NRXN3: variants seen among roughly 807,000 people sequenced by gnomAD.
NRXN3 encodes neurexin 3.
NRXN3 carries 32 observed loss-of-function variants against 137.6 expected under a neutral mutation model. That is an observed-to-expected ratio of 0.23 (90% CI 0.18 to 0.31). The LOEUF is 0.31. NRXN3 is among the 10% of genes least tolerant of loss of function. The pLI is 1.00. For synonymous variants in NRXN3, 798 were observed against 784.5 expected, an observed-to-expected ratio of 1.02 and a Z score of -0.29; for missense variants, 1,574 against 2,062.5, an observed-to-expected ratio of 0.76 and a Z score of 4.59.
intron 15 of NRXN3, among the ~76,000 whole-genome samples, chr14:79,126,353 T>G (rs1596250474): frequency 8.9e-6 from 1 of 112,080 alleles, no homozygotes; most frequent in Non-Finnish European, 1.7e-5. Context: ...GTCCCCAGAG[T>G]GTGATGTTCC....
rs534846940 is a variant in NRXN3, at chr14:78,207,385, A to C, written c.-703-35006A>C. 9.2e-4 allele frequency among the ~76,000 whole-genome samples: 140 copies of C among 152,196 alleles called. 1 individual carries two copies. Among genetic ancestry groups the C allele is most frequent in the Middle Eastern group, 3.4e-3 (1 of 294 alleles). The stretch of plus-strand genomic sequence containing the variant: ...AATCCTATGCTTTTCACTACTGTTC[A>C]AGGGTGGATGACTCCCCAGTTGATA... On this transcript the variant is annotated intron_variant, in intron 1 of 20. Coordinates refer to ENST00000335750, the MANE Select transcript of NRXN3 (RefSeq NM_001330195.2).
At chr14:78,946,112 A>C (rs7144101) in intron 10 of NRXN3, among the ~76,000 whole-genome samples, 15,403 of 152,230 alleles carry the variant, frequency 0.1, 1,921 homozygotes, top group East Asian at 0.37. Context: ...GATTGACGTG[A>C]GTATTAAGTA....
chr14:79,117,736 T>C (rs1028675573), intron 15 of NRXN3, among the ~76,000 whole-genome samples: 10 of 152,196 alleles, frequency 6.6e-5, no homozygotes, highest in Non-Finnish European at 8.8e-5. Flanking sequence ...TTCCAGCATT[T>C]GTCAGAATCC....
chr14:78,172,532 G>A (rs1213794755), intron 1 of NRXN3, among the ~76,000 whole-genome samples: 1 of 152,148 alleles, frequency 6.6e-6, no homozygotes, highest in African/African-American at 2.4e-5. Flanking sequence ...TCAGACGGGT[G>A]CTGGTTGTGC....
At chr14:78,565,686 CTG>C (rs1418184145) in intron 4 of NRXN3, among the ~76,000 whole-genome samples, 1 of 152,128 alleles carries the variant, frequency 6.6e-6, no homozygotes, top group Non-Finnish European at 1.5e-5. Context: ...TTGCAAAACA[CTG>C]TATGAATGTC....
intron 16 of NRXN3, among the ~76,000 whole-genome samples, chr14:79,552,821 G>A (rs780308076): frequency 6.6e-6 from 1 of 152,104 alleles, no homozygotes; most frequent in Admixed American, 6.6e-5. Context: ...AGTCTCTAAG[G>A]TAATGGCCCT....
intron 4 of NRXN3, among the ~76,000 whole-genome samples, chr14:78,427,785 C>A (rs1598535508): frequency 6.6e-6 from 1 of 152,342 alleles, no homozygotes; most frequent in South Asian, 2.1e-4. Flanking sequence ...GCTAAGAACA[C>A]AGATATCACT....
intron 16 of NRXN3, among the ~76,000 whole-genome samples, chr14:79,517,896 CTTTTTTTTTTTTT>C (rs34241975): frequency 1.4e-5 from 1 of 73,354 alleles, no homozygotes; most frequent in African/African-American, 6.7e-5. Context: ...CCTGACTTTC[CTTTTTTTTTTTTT>C]TTTTTTTTTT....
chr14:79,435,298 C>T (rs1462073599), intron 15 of NRXN3, among the ~76,000 whole-genome samples: 1 of 130,572 alleles, frequency 7.7e-6, no homozygotes, highest in African/African-American at 2.8e-5. Flanking sequence ...AGGAAATTTG[C>T]TCAAAAAAAA....
chr14:79,834,900 A>G (rs2099333892), intron 20 of NRXN3, among the ~76,000 whole-genome samples: 1 of 152,098 alleles, frequency 6.6e-6, no homozygotes, highest in Non-Finnish European at 1.5e-5. Context: ...CACCAGTGAC[A>G]ATACGAAACC....
intron 16 of NRXN3, among the ~76,000 whole-genome samples, chr14:79,604,868 C>T (rs1446061267): frequency 6.6e-6 from 1 of 151,756 alleles, no homozygotes; most frequent in African/African-American, 2.4e-5. Context: ...TCTGTCTCCA[C>T]TAAAAATATA....
At chr14:78,521,154 G>C (rs2096278369) in intron 4 of NRXN3, among the ~76,000 whole-genome samples, 2 of 152,122 alleles carry the variant, frequency 1.3e-5, no homozygotes, top group African/African-American at 4.8e-5. Flanking sequence ...TACTCTGTCT[G>C]TCTGTCTCTC....
chr14:78,973,488 G>A (rs1298753412), intron 14 of NRXN3, among the ~76,000 whole-genome samples: 4 of 152,134 alleles, frequency 2.6e-5, no homozygotes, highest in Non-Finnish European at 5.9e-5. Context: ...AAATGTTTCA[G>A]AGATTTATAT....
chr14:79,506,471 A>C (rs886862527), intron 16 of NRXN3, among the ~76,000 whole-genome samples: 1 of 152,082 alleles, frequency 6.6e-6, no homozygotes, highest in Non-Finnish European at 1.5e-5. Flanking sequence ...AACCCACACA[A>C]TCATCTTTAG....
intron 2 of NRXN3, among the ~76,000 whole-genome samples, chr14:78,251,856 T>C (rs545836368): frequency 1.3e-5 from 2 of 152,316 alleles, no homozygotes. Flanking sequence ...TTTAGTTTGC[T>C]GTGGCTCACA....
chr14:78,477,096 T>C (rs2095393100), intron 4 of NRXN3, among the ~76,000 whole-genome samples: 1 of 152,220 alleles, frequency 6.6e-6, no homozygotes, highest in African/African-American at 2.4e-5. Context: ...AGGGTTCACA[T>C]ATCACCCAAA....
chr14:78,692,981 G>A lies in NRXN3; in HGVS notation c.1222-16236G>A, dbSNP rs1473024649. Among the ~76,000 whole-genome samples, 5 of 152,032 alleles carry A rather than the reference G, an allele frequency of 3.3e-5. No homozygotes were observed. In the South Asian group the frequency reaches 6.2e-4, roughly 19 times the overall value. The stretch of plus-strand genomic sequence containing the variant: ...GTCTGCAGTCCCAGCTACTCAGGAG[G>A]CTGAGGCAGGAGAATTCCTTGAACT... On this transcript the variant is annotated intron_variant, in intron 6 of 20. Coordinates refer to ENST00000335750, the MANE Select transcript of NRXN3 (RefSeq NM_001330195.2).
At chr14:79,047,039 C>T (rs1015201701) in intron 15 of NRXN3, among the ~76,000 whole-genome samples, 1 of 151,392 alleles carries the variant, frequency 6.6e-6, no homozygotes, top group Non-Finnish European at 1.5e-5. Context: ...TTGTAAAACA[C>T]TTAGGAGAGT....
chr14:78,457,554 C>G (rs914040607), intron 4 of NRXN3, among the ~76,000 whole-genome samples: 1 of 152,248 alleles, frequency 6.6e-6, no homozygotes, highest in Admixed American at 6.5e-5. Flanking sequence ...GTCAAAATGG[C>G]CTGGCAACAC....
Sources: gnomAD v4.1 joint callset for allele counts (sites outside exome capture counted in the v4.1 genomes callset) on GRCh38, gnomAD v4.1.1 for gene constraint, MANE v1.5 for transcripts, NCBI Gene and HGNC (gene_info 2026-07-23, HGNC 2026-07-21) for gene names.